Variants in RAD51B observed in about 807,000 individuals in gnomAD.
The protein encoded by RAD51B is RAD51 paralog B.
RAD51B carries 38 observed loss-of-function variants against 42.2 expected under a neutral mutation model. That is an observed-to-expected ratio of 0.90 (90% CI 0.70 to 1.18). RAD51B has a LOEUF of 1.18. Among genes scored for constraint, RAD51B ranks in the 50% most tolerant of loss-of-function variants. The pLI, the probability that RAD51B is intolerant of heterozygous loss-of-function variation, is 0.00. For missense variants in RAD51B, 373 were observed against 400.7 expected (o/e 0.93, Z 0.59); for synonymous variants, 154 against 145.2 (o/e 1.06, Z -0.43).
chr14:68,582,210 A>C (rs868794293), intron 10 of RAD51B, among the ~76,000 whole-genome samples: 7 of 152,354 alleles, frequency 4.6e-5, no homozygotes, highest in Middle Eastern at 6.8e-3. Context: ...CTATCATAAG[A>C]GTGAACAGGC....
At chr14:68,099,482 G>A (rs757766201) in intron 7 of RAD51B, among the ~76,000 whole-genome samples, 7 of 152,164 alleles carry the variant, frequency 4.6e-5, no homozygotes, top group Non-Finnish European at 8.8e-5. Context: ...TTTGGATCCT[G>A]TTCCTTGCTC....
chr14:68,611,053 GC>G lies in RAD51B; in HGVS notation c.1085del (p.Ala362GlufsTer11), dbSNP rs1566954658. ...CAGCCCCAGGTCAGAATGCTGGTCA[GC>G]AGCAGACTCACATCCCAGCCCTACC... On this transcript the variant is annotated frameshift_variant, in exon 11 of 11. Coordinates refer to the RAD51B transcript ENST00000487861. LOFTEE classifies it low-confidence loss of function (END_TRUNC). The G allele has an allele frequency of 1.3e-5, 9 of 703,192 alleles. No individual in the cohort carries two copies. In the South Asian group the frequency reaches 1.3e-4, roughly 10 times the overall value. 43.6% of individuals were successfully genotyped at this position (703,192 alleles called of 1,614,324 possible). A position where few individuals can be genotyped will look rare whatever the true frequency, so the allele number is the denominator to read the frequency against.
chr14:68,145,368 G>T (rs1459499823), intron 7 of RAD51B, among the ~76,000 whole-genome samples: 2 of 152,156 alleles, frequency 1.3e-5, no homozygotes, highest in Admixed American at 6.5e-5. Context: ...TGCCACCTAC[G>T]GGCGGGGTAC....
intron 7 of RAD51B, among the ~76,000 whole-genome samples, chr14:68,127,198 T>A (rs1057235549): frequency 1.3e-5 from 2 of 152,222 alleles, no homozygotes; most frequent in Non-Finnish European, 2.9e-5. Flanking sequence ...TATTTATTTT[T>A]GTATTTCCCA....
intron 7 of RAD51B, among the ~76,000 whole-genome samples, chr14:68,162,595 C>T (rs1330863651): frequency 6.6e-6 from 1 of 152,138 alleles, no homozygotes; most frequent in East Asian, 1.9e-4. Context: ...ACCATCCTAG[C>T]TAACACGGTG....
intron 8 of RAD51B, among the ~76,000 whole-genome samples, chr14:68,332,010 G>A (rs978407604): frequency 3.3e-5 from 5 of 152,142 alleles, no homozygotes; most frequent in Non-Finnish European, 7.4e-5. Flanking sequence ...AAGCAAGCAA[G>A]CAAACAAAAA....
chr14:68,286,996 G>T (rs183459020), intron 7 of RAD51B, among the ~76,000 whole-genome samples: 33 of 152,298 alleles, frequency 2.2e-4, no homozygotes, highest in Non-Finnish European at 4.4e-4. Flanking sequence ...ATTAGTGTGT[G>T]TGTTGTGTGT....
intron 10 of RAD51B, chr14:68,563,972 C>T: frequency 1.1e-6 from 1 of 940,336 alleles, no homozygotes; most frequent in South Asian, 4.9e-5. Flanking sequence ...CCCACACATA[C>T]ACACCCTTTT....
intron 7 of RAD51B, among the ~76,000 whole-genome samples, chr14:68,041,379 T>C (rs1228173193): frequency 1.3e-5 from 2 of 152,212 alleles, no homozygotes; most frequent in Non-Finnish European, 2.9e-5. Context: ...AGTGTTATTT[T>C]CTTCATGCCA....
At chr14:67,851,261 ATGGGGC>A (rs1352585037) in intron 4 of RAD51B, among the ~76,000 whole-genome samples, 1 of 151,906 alleles carries the variant, frequency 6.6e-6, no homozygotes, top group African/African-American at 2.4e-5. Context: ...ATGAGTCTTG[ATGGGGC>A]TGGATTGTTG....
intron 10 of RAD51B, among the ~76,000 whole-genome samples, chr14:68,589,394 A>G (rs1890637255): frequency 6.6e-6 from 1 of 152,100 alleles, no homozygotes; most frequent in African/African-American, 2.4e-5. Context: ...GCAGGAGTTG[A>G]GACATGTGGC....
intron 10 of RAD51B, among the ~76,000 whole-genome samples, chr14:68,569,788 C>A (rs1374052269): frequency 2.6e-5 from 4 of 152,220 alleles, no homozygotes; most frequent in African/African-American, 4.8e-5. Flanking sequence ...TGCATCCCAG[C>A]AGCCTCTGCC....
At chr14:67,913,967 T>G (rs2044069843) in intron 7 of RAD51B, among the ~76,000 whole-genome samples, 3 of 151,696 alleles carry the variant, frequency 2.0e-5, no homozygotes, top group African/African-American at 7.3e-5. Flanking sequence ...ATCATTTTAC[T>G]CTTTATCTCC....
intron 7 of RAD51B, among the ~76,000 whole-genome samples, chr14:67,945,366 T>A (rs2045353842): frequency 1.3e-5 from 2 of 152,206 alleles, no homozygotes; most frequent in South Asian, 4.1e-4. Flanking sequence ...GGACATTAAT[T>A]GTCAAAAATC....
chr14:67,909,824 A>T (rs112360528), intron 7 of RAD51B, among the ~76,000 whole-genome samples: 2 of 151,974 alleles, frequency 1.3e-5, no homozygotes, highest in Non-Finnish European at 2.9e-5. Context: ...TAACTTTTTT[A>T]AAAAAGTTTT....
intron 7 of RAD51B, among the ~76,000 whole-genome samples, chr14:68,035,726 C>T (rs969450809): frequency 3.9e-5 from 6 of 152,136 alleles, no homozygotes; most frequent in Non-Finnish European, 7.4e-5. Context: ...ATGAAAGAGG[C>T]AAATGGGACG....
intron 7 of RAD51B, among the ~76,000 whole-genome samples, chr14:67,897,580 G>A (rs1307459040): frequency 1.1e-4 from 16 of 151,194 alleles, no homozygotes; most frequent in Admixed American, 1.1e-3. Flanking sequence ...CGCTTAATAC[G>A]GTTATTATTT....
intron 8 of RAD51B, among the ~76,000 whole-genome samples, chr14:68,329,200 G>A (rs923261640): frequency 6.6e-6 from 1 of 152,070 alleles, no homozygotes; most frequent in African/African-American, 2.4e-5. Flanking sequence ...TAGAGATGGG[G>A]TCTCACTATG....
chr14:67,887,490 C>G (rs2043097694), intron 7 of RAD51B: 1 of 242,206 alleles, frequency 4.1e-6, no homozygotes, highest in Admixed American at 5.0e-5. Flanking sequence ...ATTGTTTACT[C>G]TTTGTGTGTG....
Sources: allele counts gnomAD v4.1 joint callset (sites outside exome capture counted in the v4.1 genomes callset), GRCh38; gene constraint gnomAD v4.1.1; transcripts MANE v1.5; gene names NCBI Gene and HGNC (gene_info 2026-07-23, HGNC 2026-07-21).